The following AUTS2 variants were observed in gnomAD, a reference collection of about 807,000 sequenced individuals.
AUTS2 encodes the protein activator of transcription and developmental regulator AUTS2, also known as autism susceptibility gene 2 protein.
In AUTS2, 17 loss-of-function variants were observed where a neutral mutation model predicts 112.4. The ratio of observed to expected loss-of-function variants is 0.15; its 90% CI spans 0.10 to 0.23. The LOEUF is 0.23. AUTS2 is among the 10% of genes least tolerant of loss of function. The probability of loss-of-function intolerance (pLI) is 1.00; values close to 1 mark genes in which losing one functional copy is unlikely to be tolerated. For missense variants in AUTS2, 1,510 were observed against 1,701.6 expected (o/e 0.89, Z 1.98); for synonymous variants, 751 against 702.7 (o/e 1.07, Z -1.09).
intron 4 of AUTS2, among the ~76,000 whole-genome samples, chr7:70,171,497 A>T (rs1808684773): frequency 6.6e-6 from 1 of 152,244 alleles, no homozygotes; most frequent in Non-Finnish European, 1.5e-5. Context: ...TTAGGCAGAG[A>T]CATCACATCA....
At chr7:70,248,621 G>C (rs73446360) in intron 4 of AUTS2, among the ~76,000 whole-genome samples, 1 of 151,878 alleles carries the variant, frequency 6.6e-6, no homozygotes, top group Non-Finnish European at 1.5e-5. Context: ...TTCTATTTTT[G>C]CCCTTTCTAC....
At chr7:69,808,925 C>T (rs1416697134) in intron 1 of AUTS2, among the ~76,000 whole-genome samples, 10 of 152,062 alleles carry the variant, frequency 6.6e-5, no homozygotes, top group African/African-American at 2.4e-4. Flanking sequence ...CTTCTGGAGC[C>T]CTTCTAACCT....
At position 70,288,801 on chromosome 7, in the gene AUTS2, A is replaced by G. The variant is rs116132410; in HGVS notation, c.661-146951A>G. ...CTGAGCTAGTGAGAATGCATATAAA[A>G]TAGGGGTCTGGTAGAAGAACTTCAG... is the stretch of plus-strand genomic sequence containing the variant. On this transcript the variant is annotated intron_variant, in intron 4 of 18. Transcript: ENST00000342771. Among the ~76,000 whole-genome samples, 305 of 152,330 alleles carry G rather than the reference A, an allele frequency of 2.0e-3. 1 individual carries two copies. Among genetic ancestry groups the G allele is most frequent in the African/African-American group, 7.0e-3 (292 of 41,586 alleles).
chr7:69,834,654 A>T (rs1791645081), intron 1 of AUTS2, among the ~76,000 whole-genome samples: 1 of 152,206 alleles, frequency 6.6e-6, no homozygotes, highest in African/African-American at 2.4e-5. Flanking sequence ...AGCAACTAGA[A>T]TGCAAGGTTC....
chr7:70,709,493 T>G (rs1274116461), intron 6 of AUTS2, among the ~76,000 whole-genome samples: 2 of 151,936 alleles, frequency 1.3e-5, no homozygotes, highest in Non-Finnish European at 2.9e-5. Context: ...GGCGGATCAC[T>G]TGAGGTCAGG....
chr7:70,650,376 C>G (rs1399767534), intron 5 of AUTS2, among the ~76,000 whole-genome samples: 1 of 152,186 alleles, frequency 6.6e-6, no homozygotes, highest in Non-Finnish European at 1.5e-5. Context: ...CTGAACAAAA[C>G]CTGGGTTCAG....
chr7:70,690,041 C>A (rs1476887744), intron 5 of AUTS2, among the ~76,000 whole-genome samples: 1 of 152,166 alleles, frequency 6.6e-6, no homozygotes, highest in East Asian at 1.9e-4. Context: ...ATCCTCCTTA[C>A]TAAGTGCCAG....
At chr7:70,355,716 C>G (rs1461240303) in intron 4 of AUTS2, among the ~76,000 whole-genome samples, 1 of 152,124 alleles carries the variant, frequency 6.6e-6, no homozygotes, top group African/African-American at 2.4e-5. Flanking sequence ...ATGGCTCTAG[C>G]AGACATGGGG....
intron 4 of AUTS2, among the ~76,000 whole-genome samples, chr7:70,147,488 C>A (rs751764988): frequency 2.6e-5 from 4 of 152,026 alleles, no homozygotes; most frequent in Admixed American, 6.6e-5. Context: ...TTATCACTTA[C>A]CTACAACTTC....
At chr7:70,066,117 T>C (rs1307403670) in intron 2 of AUTS2, among the ~76,000 whole-genome samples, 1 of 152,238 alleles carries the variant, frequency 6.6e-6, no homozygotes, top group Non-Finnish European at 1.5e-5. Flanking sequence ...ATTAATCAGT[T>C]TGATAATTTT....
At chr7:70,363,471 A>G (rs2129627730) in intron 4 of AUTS2, among the ~76,000 whole-genome samples, 1 of 151,628 alleles carries the variant, frequency 6.6e-6, no homozygotes, top group African/African-American at 2.4e-5. Context: ...AAAAGAAAAA[A>G]AAAAAAAAAA....
At chr7:69,786,706 G>A (rs6953849) in intron 1 of AUTS2, among the ~76,000 whole-genome samples, 19,964 of 152,036 alleles carry the variant, frequency 0.13, 1,485 homozygotes, top group Admixed American at 0.22. Flanking sequence ...CACCCGCCTC[G>A]GCCTCCCAAA....
intron 2 of AUTS2, among the ~76,000 whole-genome samples, chr7:69,991,641 G>C (rs1443368182): frequency 6.6e-6 from 1 of 152,194 alleles, no homozygotes; most frequent in African/African-American, 2.4e-5. Flanking sequence ...ATATTTCTGG[G>C]AGCTTAGATA....
intron 2 of AUTS2, among the ~76,000 whole-genome samples, chr7:69,908,972 G>C (rs1034624323): frequency 1.6e-4 from 24 of 152,158 alleles, no homozygotes; most frequent in Admixed American, 7.9e-4. Flanking sequence ...TGGGGGTCAG[G>C]GTGTGGCAAC....
At chr7:69,884,103 T>A (rs1230324805) in intron 1 of AUTS2, among the ~76,000 whole-genome samples, 1 of 152,194 alleles carries the variant, frequency 6.6e-6, no homozygotes, top group Non-Finnish European at 1.5e-5. Context: ...GGAAATTGTT[T>A]AAAGTGTGTC....
At chr7:70,433,652 G>C (rs531968812) in intron 4 of AUTS2, among the ~76,000 whole-genome samples, 2 of 152,334 alleles carry the variant, frequency 1.3e-5, no homozygotes, top group South Asian at 4.1e-4. Context: ...TGGAAGCTGG[G>C]TTGGAAATGA....
intron 2 of AUTS2, among the ~76,000 whole-genome samples, chr7:70,056,526 C>G (rs376361037): frequency 1.3e-5 from 2 of 152,162 alleles, no homozygotes; most frequent in South Asian, 2.1e-4. Flanking sequence ...TCTCAGTGCT[C>G]GGGCTCACAG....
chr7:70,016,195 T>C (rs1039248304), intron 2 of AUTS2, among the ~76,000 whole-genome samples: 2 of 152,116 alleles, frequency 1.3e-5, no homozygotes, highest in Non-Finnish European at 2.9e-5. Context: ...AAGGGAATAT[T>C]TTCTTCATGA....
At chr7:69,937,357 T>G (rs2129544585) in intron 2 of AUTS2, among the ~76,000 whole-genome samples, 1 of 152,296 alleles carries the variant, frequency 6.6e-6, no homozygotes, top group East Asian at 1.9e-4. Flanking sequence ...AACCAAAGAT[T>G]TCCTTGTCTC....
Sources: gnomAD v4.1 joint callset for allele counts (sites outside exome capture counted in the v4.1 genomes callset) on GRCh38, gnomAD v4.1.1 for gene constraint, MANE v1.5 for transcripts, NCBI Gene and HGNC (gene_info 2026-07-23, HGNC 2026-07-21) for gene names.